ABCA12: variants seen among roughly 807,000 people sequenced by gnomAD.
ABCA12 encodes the protein ATP binding cassette subfamily A member 12, also known as glucosylceramide transporter ABCA12.
A neutral mutation model predicts 293.5 loss-of-function variants in ABCA12; 156 were observed. The observed-to-expected ratio is 0.53, with a 90% CI of 0.47 to 0.61. The LOEUF is 0.61. ABCA12 is among the 20% of genes least tolerant of loss of function. ABCA12 has a pLI of 0.00. For missense variants in ABCA12, 2,797 were observed against 3,090.2 expected (o/e 0.91, Z 2.25); for synonymous variants, 1,063 against 1,108.0 (o/e 0.96, Z 0.81).
At chr2:214,965,112 A>G (rs1460653213) in intron 39 of ABCA12, among the ~76,000 whole-genome samples, 2 of 152,152 alleles carry the variant, frequency 1.3e-5, no homozygotes, top group African/African-American at 4.8e-5. Context: ...ACCTGACAAA[A>G]ACAAACAATG....
intron 2 of ABCA12, among the ~76,000 whole-genome samples, chr2:215,094,767 G>A (rs942343992): frequency 1.1e-4 from 16 of 151,934 alleles, no homozygotes; most frequent in African/African-American, 3.6e-4. Flanking sequence ...CATAAAAATC[G>A]AACCGCCCCC....
chr2:215,115,120 T>C (rs907402548), intron 1 of ABCA12, among the ~76,000 whole-genome samples: 7 of 152,220 alleles, frequency 4.6e-5, no homozygotes, highest in African/African-American at 1.4e-4. Flanking sequence ...TAAGGCATTT[T>C]AGACTCTTGA....
In ABCA12 at chr2:215,138,485, A is replaced by T. The variant is rs570241710; in HGVS notation, c.-277T>A. 1 of 466,782 alleles carries T rather than the reference A, an allele frequency of 2.1e-6. No homozygotes were observed. The highest frequency in any genetic ancestry group is 2.0e-5 in the African/African-American group (1 of 50,808). 28.9% of individuals were successfully genotyped at this position (466,782 alleles called of 1,614,324 possible). ...GGGTGGCTTATGCTTATTTTAAAAT[A>T]ATATCCAGTTGCTGCTTGTTGCACG... On this transcript the variant is annotated 5_prime_UTR_variant, in exon 1 of 53. Coordinates refer to ENST00000272895, the MANE Select transcript of ABCA12 (RefSeq NM_173076.3).
At chr2:215,113,595 C>T (rs533456208) in intron 1 of ABCA12, among the ~76,000 whole-genome samples, 1 of 152,110 alleles carries the variant, frequency 6.6e-6, no homozygotes, top group African/African-American at 2.4e-5. Flanking sequence ...TGCCACCCTA[C>T]CTATCTAACA....
rs563931922 is a variant in ABCA12 at position 215,075,704 on chromosome 2, T to C, written c.164-11485A>G. ...ATCAAAATATAATTTTGATAACCCA[T>C]TAAAAGTAATGAAATGGAGAAAACA... On this transcript the variant is annotated intron_variant, in intron 2 of 52. Coordinates refer to ENST00000272895, the MANE Select transcript of ABCA12 (RefSeq NM_173076.3). 29 of 600,138 alleles carry C rather than the reference T, an allele frequency of 4.8e-5. No homozygotes were observed. The African/African-American group carries it at 5.3e-4, about 11-fold the overall frequency. 37.2% of individuals were successfully genotyped at this position (600,138 alleles called of 1,614,324 possible).
rs1263703727 is a variant in ABCA12, at chr2:215,052,502, A to T, written c.492T>A (p.Ile164=). Residue 164 remains isoleucine (I), a synonymous_variant, in exon 5 of 53, where the codon ATT becomes ATA. Transcript: ENST00000272895. ...ATCAAGTTACCTTTTCCAAGCCAAG[A>T]ATTCGTGCGAGCACTTGACTGCCAT... is the stretch of plus-strand genomic sequence containing the variant. ...TFNGSQVLAR[I]LGLEKLLKQN... is the part of the protein sequence containing the mutation. The T allele has an allele frequency of 1.2e-6, 2 of 1,612,500 alleles. No individual in the cohort carries two copies. The highest frequency in any genetic ancestry group is 2.7e-5 in the African/African-American group (2 of 74,942).
chr2:215,022,429 T>C (rs1417947518), intron 11 of ABCA12: 1 of 152,186 alleles, frequency 6.6e-6, no homozygotes, highest in African/African-American at 2.4e-5. Context: ...TTATGGTCAT[T>C]TTGTCTTTGT....
rs760080854 is a variant in ABCA12 at position 215,019,392 on chromosome 2, G to A, written c.1601C>T (p.Pro534Leu). 9.3e-6 allele frequency: 15 copies of A among 1,613,382 alleles called. No individual in the cohort carries two copies. The highest frequency in any genetic ancestry group is 4.4e-5 in the South Asian group (4 of 91,032). Residue 534 changes from proline (P) to leucine (L), a missense_variant, in exon 13 of 53, where the codon CCG becomes CTG. Physicochemically the swap from Pro to Leu is moderately conservative, Grantham distance 98 (BLOSUM62 -3). Coordinates refer to ENST00000272895, the MANE Select transcript of ABCA12 (RefSeq NM_173076.3). ...NYLENITQLI[P>L]IIEAMLHVNN... is the part of the protein sequence containing the mutation. Reference sequence around the variant, plus strand: ...GACATGCAGCATGGCTTCTATGATCGGTATTAACTGAGTGATATTTTCCAA... The same window carrying A: ...GACATGCAGCATGGCTTCTATGATCAGTATTAACTGAGTGATATTTTCCAA...
chr2:215,002,799 C>T (rs1018071724), intron 20 of ABCA12, among the ~76,000 whole-genome samples: 8 of 152,128 alleles, frequency 5.3e-5, no homozygotes, highest in Non-Finnish European at 1.2e-4. Flanking sequence ...CAGAGTCCCC[C>T]GAATTCAAAC....
intron 1 of ABCA12, among the ~76,000 whole-genome samples, chr2:215,113,486 T>TG (rs1702620369): frequency 1.3e-5 from 2 of 152,152 alleles, no homozygotes; most frequent in Non-Finnish European, 2.9e-5. Flanking sequence ...AGATCTGAGG[T>TG]GGGGGCTGAG....
At chr2:214,936,289 C>T (rs1698216289) in intron 51 of ABCA12, among the ~76,000 whole-genome samples, 1 of 152,064 alleles carries the variant, frequency 6.6e-6, no homozygotes, top group Admixed American at 6.6e-5. Context: ...TAGTGTATAC[C>T]AGATTTGGTA....
chr2:214,975,737 C>G (rs1699499291), intron 34 of ABCA12, 48 bp downstream of exon 34: 1 of 1,612,554 alleles, frequency 6.2e-7, no homozygotes. Flanking sequence ...AACCACACTC[C>G]TGGAAGCATT....
At chr2:215,013,935 C>G (rs567675036) in intron 15 of ABCA12, among the ~76,000 whole-genome samples, 2 of 152,314 alleles carry the variant, frequency 1.3e-5, no homozygotes, top group South Asian at 4.1e-4. Flanking sequence ...AATCCCAGCA[C>G]TTTGGGAGGC....
At chr2:215,081,527 AAAAGAAAAAGAAAAGAAACAAAC>A (rs1701941397) in intron 2 of ABCA12, among the ~76,000 whole-genome samples, 1 of 151,266 alleles carries the variant, frequency 6.6e-6, no homozygotes, top group South Asian at 2.1e-4. Context: ...AAGAAAAAGT[AAAAGAAAAAGAAAAGAAACAAAC>A]AAAAAAATGG....
Position 215,036,862 on chromosome 2 carries a change from C to T in ABCA12, c.985+91G>A, listed in dbSNP as rs567221336. ...TGTCCCCACCTAAGAATAATATCAT[C>T]TCTACATGATTACTTTCATTGCACT... On this transcript the variant is annotated intron_variant, in intron 8 of 52. Coordinates refer to ENST00000272895, the MANE Select transcript of ABCA12 (RefSeq NM_173076.3). 9 of 1,114,904 alleles carry T rather than the reference C, an allele frequency of 8.1e-6. No homozygotes were observed. In the Admixed American group the frequency reaches 1.1e-4, roughly 13 times the overall value. 69.1% of individuals were successfully genotyped at this position (1,114,904 alleles called of 1,614,324 possible).
At chr2:214,995,390 C>T (rs1249098435) in intron 23 of ABCA12, among the ~76,000 whole-genome samples, 1 of 152,180 alleles carries the variant, frequency 6.6e-6, no homozygotes, top group African/African-American at 2.4e-5. Context: ...TTTCTGGTAA[C>T]TTAAGAGATT....
rs1488979826 is a variant in ABCA12 at position 215,081,492 on chromosome 2, AG to A, written c.164-17274del. 5.4e-3 allele frequency among the ~76,000 whole-genome samples: 293 copies of A among 54,034 alleles called. 24 individuals carry two copies. Among genetic ancestry groups the A allele is most frequent in the Middle Eastern group, 0.01 (1 of 100 alleles). 35.4% of individuals were successfully genotyped at this position (54,034 alleles called of 152,430 possible). A position where few individuals can be genotyped will look rare whatever the true frequency, so the allele number is the denominator to read the frequency against. On this transcript the variant is annotated intron_variant, in intron 2 of 52. Coordinates refer to ENST00000272895, the MANE Select transcript of ABCA12 (RefSeq NM_173076.3). ...AGACTCTGTCTCAAAAAAAAAAAAA[AG>A]AAAAAGAAAAAAGAAAAAGAAAAAA...
Position 215,138,236 on chromosome 2 carries a change from C to CCTCTT in ABCA12, c.-33_-29dup. ...TTCAAATGCCCCAAATGAGAGATTT[C>CCTCTT]CTCTTCTTTTCTCCACTCCACAAAT... On this transcript the variant is annotated 5_prime_UTR_variant, in exon 1 of 53. Transcript: ENST00000272895. 4 of 1,611,848 alleles carry CCTCTT rather than the reference C, an allele frequency of 2.5e-6. No homozygotes were observed. The highest frequency in any genetic ancestry group is 3.4e-6 in the Non-Finnish European group (4 of 1,178,020).
At chr2:215,015,062 AT>A (rs922056332) in intron 15 of ABCA12, among the ~76,000 whole-genome samples, 6 of 151,762 alleles carry the variant, frequency 4.0e-5, no homozygotes, top group African/African-American at 1.4e-4. Context: ...GAAACAGGAA[AT>A]TTTTTTTTAA....
Sources: gnomAD v4.1 joint callset for allele counts (sites outside exome capture counted in the v4.1 genomes callset) on GRCh38, gnomAD v4.1.1 for gene constraint, MANE v1.5 for transcripts, NCBI Gene and HGNC (gene_info 2026-07-23, HGNC 2026-07-21) for gene names.